Variants in ZNF585A observed in about 807,000 individuals in gnomAD.
ZNF585A encodes zinc finger protein 585A.
ZNF585A carries 9 observed loss-of-function variants against 14.9 expected under a neutral mutation model. The observed-to-expected ratio is 0.60, with a 90% confidence interval of 0.36 to 1.05. ZNF585A has a LOEUF of 1.05. Ranked by LOEUF, ZNF585A falls within the 50% of genes least tolerant of loss-of-function variation. The pLI is 0.01. For synonymous variants in ZNF585A, 276 were observed against 319.9 expected, an observed-to-expected ratio of 0.86 and a Z score of 1.46; for missense variants, 726 against 926.4, an observed-to-expected ratio of 0.78 and a Z score of 2.81.
Position 37,148,384 on chromosome 19 carries a change from T to A in ZNF585A, c.*3205A>T, listed in dbSNP as rs1971772713. The A allele has an allele frequency of 6.9e-6, 1 of 145,408 alleles. No homozygotes were observed. The highest frequency in any genetic ancestry group is 2.7e-5 in the African/African-American group (1 of 36,926). 9.0% of individuals were successfully genotyped at this position (145,408 alleles called of 1,614,324 possible). A position where few individuals can be genotyped will look rare whatever the true frequency, so the allele number is the denominator to read the frequency against. ...ACTCCGACTCAAAAGGAGATATACA[T>A]ACACGTACAAAACACACACACACAC... On this transcript the variant is annotated 3_prime_UTR_variant, in exon 5 of 5. Transcript: ENST00000292841.
rs1329319418 is a variant in ZNF585A, at chr19:37,151,716, G to T, written c.2183C>A (p.Thr728Asn). ...ATGTTTATTCAAATTGGACCTGTCA[G>T]TAAAGGCCTTCCCACACTCAGCACA... ...YVCAECGKAFTDRSNLNKHQT... is the reference protein window; with the variant it reads ...YVCAECGKAFNDRSNLNKHQT... Residue 728 changes from threonine (T) to asparagine (N), a missense_variant, in exon 5 of 5, where the codon ACT becomes AAT. Thr to Asn is a moderately conservative substitution (Grantham distance 65). Around this residue, in one of 2 missense-constraint regions of ZNF585A, gnomAD observed 243 missense variants for 383.6 expected, o/e 0.63. Transcript: ENST00000292841. The T allele has an allele frequency of 1.2e-6, 2 of 1,613,678 alleles. No homozygotes were observed. Among genetic ancestry groups the T allele is most frequent in the Admixed American group, 3.3e-5 (2 of 59,986 alleles).
rs1384176996 is a variant in ZNF585A, at chr19:37,146,392, A to G, written c.*5197T>C. The G allele has an allele frequency of 6.6e-6, 1 of 152,296 alleles. No individual in the cohort carries two copies. The highest frequency in any genetic ancestry group is 1.9e-4 in the East Asian group (1 of 5,194). 9.4% of individuals were successfully genotyped at this position (152,296 alleles called of 1,614,324 possible). ...GAGACTCCATCTCAAAAAAAATAAAAATAAAAAATAGTCACATTGGCACTA... is the reference window on the plus strand; with the variant it reads ...GAGACTCCATCTCAAAAAAAATAAAGATAAAAAATAGTCACATTGGCACTA... On this transcript the variant is annotated 3_prime_UTR_variant, in exon 5 of 5. Transcript: ENST00000292841.
At position 37,150,413 on chromosome 19, in the gene ZNF585A, C is replaced by T. The variant is rs995782555; in HGVS notation, c.*1176G>A. On this transcript the variant is annotated 3_prime_UTR_variant, in exon 5 of 5. Transcript: ENST00000292841. Reference sequence around the variant, plus strand: ...TGTATTGCAGGGGGCACACCACTGTCCCCTATTCTGAGGGTTGTAATAAGT... The same window carrying T: ...TGTATTGCAGGGGGCACACCACTGTTCCCTATTCTGAGGGTTGTAATAAGT... 1 of 152,100 alleles carries T rather than the reference C, an allele frequency of 6.6e-6. No individual in the cohort carries two copies. The highest frequency in any genetic ancestry group is 1.5e-5 in the Non-Finnish European group (1 of 68,032). 9.4% of individuals were successfully genotyped at this position (152,100 alleles called of 1,614,324 possible).
At position 37,153,140 on chromosome 19, in the gene ZNF585A, T is replaced by C. The variant is rs369819757; in HGVS notation, c.759A>G (p.Gln253=). The C allele has an allele frequency of 1.4e-5, 22 of 1,614,122 alleles. No homozygotes were observed. The Middle Eastern group carries it at 6.6e-4, about 48-fold the overall frequency. ...TCTGATGCATCTTGAGTGTGGACTT[T>C]TGTGTGAATGCTTTGCCACAGTCAG... ...ECTDCGKAFT[Q]KSTLKMHQKI... The change falls in exon 5 of 5, where the codon CAA becomes CAG. Residue 253 remains glutamine, a synonymous_variant. Coordinates refer to ENST00000292841, the MANE Select transcript of ZNF585A (RefSeq NM_001288800.2).
chr19:37,167,956 C>G (rs1173609529), intron 2 of ZNF585A, among the ~76,000 whole-genome samples: 1 of 152,140 alleles, frequency 6.6e-6, no homozygotes. Flanking sequence ...ATTTAATGCT[C>G]TTAGAAAACA....
chr19:37,160,939 G>A (rs988584550), intron 2 of ZNF585A, among the ~76,000 whole-genome samples: 5 of 151,886 alleles, frequency 3.3e-5, no homozygotes, highest in Non-Finnish European at 7.4e-5. Flanking sequence ...GTGATCATCG[G>A]TCACTGCAGC....
chr19:37,171,695 G>GT (rs1972184249), intron 1 of ZNF585A, among the ~76,000 whole-genome samples: 1 of 152,184 alleles, frequency 6.6e-6, no homozygotes, highest in Admixed American at 6.5e-5. Flanking sequence ...GAGGTCAGGA[G>GT]TTTGAGACCA....
At chr19:37,154,958 G>A (rs1350003360) in intron 4 of ZNF585A, among the ~76,000 whole-genome samples, 1 of 149,090 alleles carries the variant, frequency 6.7e-6, no homozygotes, top group Non-Finnish European at 1.5e-5. Flanking sequence ...GGGAAAAGAA[G>A]AATGTTAGAG....
Position 37,153,418 on chromosome 19 carries a change from T to C in ZNF585A, c.481A>G (p.Ile161Val). 6.2e-7 allele frequency: 1 copy of C among 1,614,182 alleles called. No individual in the cohort carries two copies. The highest frequency in any genetic ancestry group is 8.5e-7 in the Non-Finnish European group (1 of 1,180,036). ...VLAGEKLYVCIECGKAFVQKP... is the reference protein window; with the variant it reads ...VLAGEKLYVCVECGKAFVQKP... ...TGTACAAAAGCCTTCCCACATTCAATGCATACATAGAGCTTTTCTCCTGCA... is the reference window on the plus strand; with the variant it reads ...TGTACAAAAGCCTTCCCACATTCAACGCATACATAGAGCTTTTCTCCTGCA... The change falls in exon 5 of 5, where the codon ATT becomes GTT. Residue 161 changes from isoleucine (I) to valine (V), a missense_variant. This residue lies in a region of ZNF585A where 483 missense variants were observed against 542.8 expected (regional missense o/e 0.89). Transcript: ENST00000292841.
chr19:37,163,633 T>C (rs1047361777), intron 2 of ZNF585A, among the ~76,000 whole-genome samples: 1 of 152,096 alleles, frequency 6.6e-6, no homozygotes. Flanking sequence ...AATCCTTGAA[T>C]TGGCAGTGTA....
chr19:37,159,268 A>G (rs1172136139), intron 2 of ZNF585A, among the ~76,000 whole-genome samples: 1 of 150,912 alleles, frequency 6.6e-6, no homozygotes, highest in Non-Finnish European at 1.5e-5. Context: ...AAAAAAAAAA[A>G]GGCAGAATGT....
At chr19:37,159,238 G>A (rs151244530) in intron 2 of ZNF585A, among the ~76,000 whole-genome samples, 2,946 of 115,622 alleles carry the variant, frequency 0.025, 117 homozygotes, top group African/African-American at 0.097. Context: ...AACAGAGTGA[G>A]ACTCCATCTC....
rs1382614886 is a variant in ZNF585A, at chr19:37,151,630, G to C, written c.2269C>G (p.Gln757Glu). 6.2e-7 allele frequency: 1 copy of C among 1,614,016 alleles called. No homozygotes were observed. Among genetic ancestry groups the C allele is most frequent in the South Asian group, 1.1e-5 (1 of 91,062 alleles). Residue 757 changes from glutamine to glutamate, a missense_variant, in exon 5 of 5, where the codon CAG becomes GAG. Coordinates refer to ENST00000292841, the MANE Select transcript of ZNF585A (RefSeq NM_001288800.2). ...KCGICGKGFV[Q>E]KSVFSVHQSS... ...TGATGGACGCTGAACACTGATTTCT[G>C]AACGAAGCCTTTCCCACAGATGCCA...
In ZNF585A at chr19:37,162,562, A is replaced by G. The variant is rs111543182; in HGVS notation, c.73-6207T>C. On this transcript the variant is annotated intron_variant, in intron 2 of 4. Coordinates refer to ENST00000292841, the MANE Select transcript of ZNF585A (RefSeq NM_001288800.2). ...CAGCAGTATTCACAATAGCAAAGAC[A>G]TGGAATCAATCTAAATGCCCATCAG... Among the ~76,000 whole-genome samples, 17 of 152,340 alleles carry G rather than the reference A, an allele frequency of 1.1e-4. 1 individual carries two copies. Among genetic ancestry groups the G allele is most frequent in the African/African-American group, 4.1e-4 (17 of 41,584 alleles).
intron 1 of ZNF585A, among the ~76,000 whole-genome samples, chr19:37,170,427 G>A (rs1173431685): frequency 1.3e-5 from 2 of 152,242 alleles, no homozygotes; most frequent in Non-Finnish European, 2.9e-5. Context: ...GAGAGATGGA[G>A]TAATGTTACT....
At chr19:37,162,448 A>G (rs772221917) in intron 2 of ZNF585A, among the ~76,000 whole-genome samples, 1 of 152,176 alleles carries the variant, frequency 6.6e-6, no homozygotes, top group Non-Finnish European at 1.5e-5. Flanking sequence ...CAGAAATACC[A>G]TTTGACCCAG....
chr19:37,156,271 G>C lies in ZNF585A; in HGVS notation c.157C>G (p.Arg53Gly), dbSNP rs201484462. Residue 53 changes from arginine (R) to glycine (G), a missense_variant, in exon 3 of 5, where the codon CGG (arginine) becomes GGG (glycine). Arg to Gly is a moderately radical substitution (Grantham distance 125). Around this residue, in one of 2 missense-constraint regions of ZNF585A, gnomAD observed 483 missense variants for 542.8 expected, o/e 0.89. Transcript: ENST00000292841. ...CTGTAGGTCTCCAGCATCACATCCCGGTACAGGTTTCTCTGAGAAGGGTCC... is the reference window on the plus strand; with the variant it reads ...CTGTAGGTCTCCAGCATCACATCCCCGTACAGGTTTCTCTGAGAAGGGTCC... ...HLDPSQRNLY[R>G]DVMLETYSHL... 13 of 1,614,090 alleles carry C rather than the reference G, an allele frequency of 8.1e-6. No homozygotes were observed. In the East Asian group the frequency reaches 2.9e-4, roughly 36 times the overall value.
rs1362679695 is a variant in ZNF585A, at chr19:37,152,784, T to A, written c.1115A>T (p.His372Leu). The A allele has an allele frequency of 6.2e-7, 1 of 1,614,108 alleles. No individual in the cohort carries two copies. Among genetic ancestry groups the A allele is most frequent in the Non-Finnish European group, 8.5e-7 (1 of 1,180,038 alleles). The change falls in exon 5 of 5, where the codon CAT (histidine) becomes CTT (leucine). Residue 372 changes from histidine to leucine, a missense_variant. Physicochemically the swap from His to Leu is moderately conservative, Grantham distance 99 (BLOSUM62 -3). Transcript: ENST00000292841. ...TTTCTCTCCAGTGTGAATTCTCTGA[T>A]GAATAATCAACTCTGACCTGTAGGT... ...AFTYRSELII[H>L]QRIHTGEKPY...
Position 37,151,581 on chromosome 19 carries a change from T to C in ZNF585A, c.*8A>G. On this transcript the variant is annotated 3_prime_UTR_variant, in exon 5 of 5. Transcript: ENST00000292841. Reference sequence around the variant, plus strand: ...AACCCTCAGGGGGGTTTTCTCACACTGTTTCTCTCAAGCGTGGCTGCTCTG... The same window carrying C: ...AACCCTCAGGGGGGTTTTCTCACACCGTTTCTCTCAAGCGTGGCTGCTCTG... 6.2e-7 allele frequency: 1 copy of C among 1,604,524 alleles called. No homozygotes were observed. Among genetic ancestry groups the C allele is most frequent in the Non-Finnish European group, 8.5e-7 (1 of 1,174,332 alleles).
Sources: gnomAD v4.1 joint callset for allele counts (sites outside exome capture counted in the v4.1 genomes callset) on GRCh38, gnomAD v4.1.1 for gene constraint, gnomAD v4.1.1 regional missense constraint, MANE v1.5 for transcripts, NCBI Gene and HGNC (gene_info 2026-07-23, HGNC 2026-07-21) for gene names.